POLR2F: variants seen among roughly 807,000 people sequenced by gnomAD.
POLR2F encodes DNA-directed RNA polymerases I, II, and III subunit RPABC2.
Under a neutral mutation model 22.7 loss-of-function variants are expected in POLR2F, and 12 were observed. The observed-to-expected ratio is 0.53, with a 90% CI of 0.34 to 0.86. The LOEUF is 0.86. Among genes scored for constraint, POLR2F ranks in the 40% least tolerant of loss-of-function variants. POLR2F has a pLI of 0.02. For synonymous variants in POLR2F, 57 were observed against 66.0 expected (o/e 0.86, Z 0.66); for missense variants, 126 against 171.5 (o/e 0.73, Z 1.48).
At chr22:38,041,403 C>G (rs1164538607), downstream of POLR2F, 1 of 400,556 alleles carries the variant, frequency 2.5e-6, no homozygotes, top group Non-Finnish European at 4.5e-6. Flanking sequence ...GGAGAGGATC[C>G]AGGCGGGGGA....
At chr22:37,964,206 C>A (rs1341530782) in intron 3 of POLR2F, among the ~76,000 whole-genome samples, 1 of 151,764 alleles carries the variant, frequency 6.6e-6, no homozygotes, top group East Asian at 1.9e-4. Flanking sequence ...AAGGCAGATG[C>A]GAGTGGTGCT....
chr22:38,005,336 G>A (rs1252114639), intron 1 of POLR2F, among the ~76,000 whole-genome samples: 3 of 152,228 alleles, frequency 2.0e-5, no homozygotes, highest in South Asian at 4.1e-4. Flanking sequence ...TATTGGTCAG[G>A]CTGATGTCAA....
At chr22:37,975,321 C>T (rs139886) in intron 4 of POLR2F, among the ~76,000 whole-genome samples, 90,011 of 151,878 alleles carry the variant, frequency 0.59, 26,919 homozygotes, top group East Asian at 0.75. Context: ...ACTTGGGAGA[C>T]CAGAGGAGGA....
chr22:37,971,770 C>T (rs57492455), downstream of POLR2F, among the ~76,000 whole-genome samples: 2,317 of 152,244 alleles, frequency 0.015, 67 homozygotes, highest in African/African-American at 0.053. Flanking sequence ...AGCCCACCTC[C>T]TCCTCTTCAG....
chr22:37,983,211 C>G, upstream of POLR2F: 1 of 970,264 alleles, frequency 1.0e-6, no homozygotes, highest in East Asian at 2.6e-5. This position sits in a 1 kb window ranked among gnomAD's most constrained non-coding sequence, Gnocchi z 9.5. Context: ...AGGGCGGGCG[C>G]GGCCCCCACA....
In POLR2F at chr22:37,953,734, TGCGGGTCTCCGCGCGGGACCGGGGCGCA is replaced by T; in HGVS notation, c.-48_-21del. The T allele has an allele frequency of 6.3e-7, 1 of 1,590,876 alleles. No homozygotes were observed. Among genetic ancestry groups the T allele is most frequent in the South Asian group, 1.1e-5 (1 of 88,020 alleles). On this transcript the variant is annotated 5_prime_UTR_variant, in exon 1 of 5. Transcript: ENST00000442738. ...CCGCGCGAGTCGTAGTGTCGCTGTT[TGCGGGTCTCCGCGCGGGACCGGGGCGCA>T]GCGGGGTCGCTGAGGCGAGGGTGTC...
At chr22:37,983,829 G>A (rs1256293674), upstream of POLR2F, 3 of 1,361,726 alleles carry the variant, frequency 2.2e-6, no homozygotes, top group African/African-American at 4.7e-5. This position sits in a 1 kb window ranked among gnomAD's most constrained non-coding sequence, Gnocchi z 9.5. Flanking sequence ...GCCTCCCCCG[G>A]GCCAGCCGCC....
downstream of POLR2F, chr22:37,973,549 G>C (rs1406940809): frequency 1.8e-5 from 29 of 1,612,150 alleles, no homozygotes; most frequent in Non-Finnish European, 2.2e-5. Context: ...TGGGGCTGTG[G>C]GACTGGGGCC....
chr22:38,015,908 G>C (rs779883190), intron 1 of POLR2F, among the ~76,000 whole-genome samples: 5 of 152,064 alleles, frequency 3.3e-5, no homozygotes, highest in African/African-American at 1.2e-4. Flanking sequence ...CATAAGTGGC[G>C]GTGGGGGTGC....
intron 1 of POLR2F, among the ~76,000 whole-genome samples, chr22:38,002,098 C>T (rs2084776344): frequency 6.6e-6 from 1 of 152,002 alleles, no homozygotes; most frequent in Non-Finnish European, 1.5e-5. Context: ...GATCCATCCA[C>T]CTCAGCCTCT....
upstream of POLR2F, chr22:37,986,088 G>T: frequency 7.0e-7 from 1 of 1,420,630 alleles, no homozygotes. The surrounding 1 kb of genome is among the most constrained non-coding windows in gnomAD (Gnocchi z 4.7). Flanking sequence ...AGCTGTCTTT[G>T]TTCGAAATAC....
At chr22:38,012,329 G>T (rs1323304742) in intron 1 of POLR2F, among the ~76,000 whole-genome samples, 1 of 152,122 alleles carries the variant, frequency 6.6e-6, no homozygotes, top group Admixed American at 6.5e-5. Flanking sequence ...TGATCCTCCT[G>T]CCTTGGCCTC....
chr22:38,015,931 G>A (rs1264422662), intron 1 of POLR2F, among the ~76,000 whole-genome samples: 7 of 152,044 alleles, frequency 4.6e-5, no homozygotes, highest in African/African-American at 1.5e-4. Flanking sequence ...CTGAGTCTCG[G>A]CCTCTGCTGG....
intron 4 of POLR2F, among the ~76,000 whole-genome samples, chr22:37,975,924 C>CTA (rs1201548103): frequency 1.3e-5 from 2 of 150,994 alleles, no homozygotes; most frequent in East Asian, 1.9e-4. Context: ...GTTTCTCTCT[C>CTA]TATATATATA....
At chr22:37,976,247 G>C (rs1233445854) in intron 4 of POLR2F, among the ~76,000 whole-genome samples, 1 of 152,026 alleles carries the variant, frequency 6.6e-6, no homozygotes, top group Non-Finnish European at 1.5e-5. Context: ...ACAAAAAAAA[G>C]ACAGAGTCTT....
intron 1 of POLR2F, among the ~76,000 whole-genome samples, chr22:37,955,868 AGAGAC>A (rs1264519166): frequency 1.1e-4 from 16 of 151,554 alleles, no homozygotes; most frequent in Non-Finnish European, 7.4e-5. Flanking sequence ...TATTTTTAGC[AGAGAC>A]GAGATTTCTC....
intron 1 of POLR2F, among the ~76,000 whole-genome samples, chr22:37,991,809 A>G (rs536328268): frequency 2.0e-5 from 3 of 152,166 alleles, no homozygotes; most frequent in African/African-American, 7.2e-5. Context: ...ACTGACCCCC[A>G]GTTCCCTGTG....
downstream of POLR2F, among the ~76,000 whole-genome samples, chr22:37,970,510 G>A (rs1932015800): frequency 6.7e-6 from 1 of 149,990 alleles, no homozygotes; most frequent in African/African-American, 2.5e-5. Context: ...GGGAGGCTGA[G>A]GCAGGGGAAG....
At chr22:37,971,857 T>A (rs537418408), downstream of POLR2F, among the ~76,000 whole-genome samples, 2 of 151,994 alleles carry the variant, frequency 1.3e-5, no homozygotes, top group East Asian at 2.0e-4. Flanking sequence ...TGCAAGGCAG[T>A]GAGTTCTAGC....
Sources: gnomAD v4.1 joint callset for allele counts (sites outside exome capture counted in the v4.1 genomes callset) on GRCh38, gnomAD v4.1.1 for gene constraint, Gnocchi (gnomAD v3.1) non-coding constraint, MANE v1.5 for transcripts, NCBI Gene and HGNC (gene_info 2026-07-23, HGNC 2026-07-21) for gene names.